DOCK8: variants seen among roughly 807,000 people sequenced by gnomAD.
DOCK8 encodes the protein dedicator of cytokinesis protein 8.
Under a neutral mutation model 245.6 loss-of-function variants are expected in DOCK8, and 141 were observed. That is an observed-to-expected ratio of 0.57 (90% CI 0.50 to 0.66). DOCK8 has a LOEUF of 0.66. Among genes scored for constraint, DOCK8 ranks in the 30% least tolerant of loss-of-function variants. The pLI is 0.00. For synonymous variants in DOCK8, 1,168 were observed against 970.2 expected (o/e 1.20, Z -3.79); for missense variants, 2,965 against 2,603.4 (o/e 1.14, Z -3.02).
At chr9:276,263 G>T (rs1262770341) in intron 2 of DOCK8, among the ~76,000 whole-genome samples, 2 of 152,144 alleles carry the variant, frequency 1.3e-5, no homozygotes, top group Non-Finnish European at 2.9e-5. Flanking sequence ...CACTTATTTT[G>T]CCCTGTGTGC....
In DOCK8 at chr9:396,802, G is replaced by A. The variant is rs752239200; in HGVS notation, c.2988G>A (p.Gln996=). 2.5e-6 allele frequency: 4 copies of A among 1,614,060 alleles called. No homozygotes were observed. The highest frequency in any genetic ancestry group is 3.4e-6 in the Non-Finnish European group (4 of 1,180,018). Residue 996 remains glutamine (Q), a synonymous_variant, in exon 25 of 48, where the codon CAG becomes CAA. Coordinates refer to ENST00000432829, the MANE Select transcript of DOCK8 (RefSeq NM_203447.4). ...FFELLVKSMA[Q]HVHNMDKRDS... ...CTCCGCAGGTGAAAAGCATGGCCCA[G>A]CACGTACATAACATGGACAAACGGG...
chr9:285,280 G>C (rs2048771308), intron 2 of DOCK8, among the ~76,000 whole-genome samples: 1 of 152,104 alleles, frequency 6.6e-6, no homozygotes, highest in African/African-American at 2.4e-5. Flanking sequence ...ACAGCGCTTT[G>C]TCTCTCCTCT....
intron 5 of DOCK8, among the ~76,000 whole-genome samples, chr9:305,392 G>C (rs113422864): frequency 0.082 from 12,235 of 149,694 alleles, 793 homozygotes; most frequent in African/African-American, 0.17. Flanking sequence ...ACGCCATTCT[G>C]CTGCCTCAGC....
chr9:379,861 G>A lies in DOCK8; in HGVS notation c.2531G>A (p.Arg844Lys). 1 of 1,614,234 alleles carries A rather than the reference G, an allele frequency of 6.2e-7. No homozygotes were observed. Among genetic ancestry groups the A allele is most frequent in the Non-Finnish European group, 8.5e-7 (1 of 1,180,036 alleles). Residue 844 changes from arginine (R) to lysine (K), a missense_variant, in exon 21 of 48, where the codon AGG becomes AAG. This residue lies in a region of DOCK8 where 2,825 missense variants were observed against 2,453.5 expected (regional missense o/e 1.15). Transcript: ENST00000432829. ...SKDLSKDQHG[R>K]NCLLASYVHY... ...GACCTGAGCAAGGACCAGCATGGGA[G>A]GAACTGCCTGCTGGCTTCCTACGTG...
At chr9:332,648 CTTTTTTTTTTTTTTTTTT>C (rs35539095) in intron 10 of DOCK8, among the ~76,000 whole-genome samples, 170 bp downstream of exon 10, 17 of 63,964 alleles carry the variant, frequency 2.7e-4, no homozygotes, top group African/African-American at 1.1e-3. Context: ...CCGATGATGA[CTTTTTTTTTTTTTTTTTT>C]TTTTTTTTTG....
intron 6 of DOCK8, chr9:314,336 G>A (rs1457672204): frequency 6.6e-6 from 1 of 152,218 alleles, no homozygotes; most frequent in Non-Finnish European, 1.5e-5. Flanking sequence ...ACCCAAAGTG[G>A]ATGCCAGAAG....
At chr9:438,830 G>A (rs1209644921) in intron 39 of DOCK8, among the ~76,000 whole-genome samples, 1 of 152,176 alleles carries the variant, frequency 6.6e-6, no homozygotes, top group Non-Finnish European at 1.5e-5. Flanking sequence ...CTCCAGAGTA[G>A]CAACATACTT....
rs867722289 is a variant in DOCK8 at position 403,405 on chromosome 9, A to G, written c.3235-1513A>G. On this transcript the variant is annotated intron_variant, in intron 26 of 47. Coordinates refer to ENST00000432829, the MANE Select transcript of DOCK8 (RefSeq NM_203447.4). ...GGTCCAAAGTCAGCCAGGAGTGCAC[A>G]TCGAAAGGTTATGGGATCTGGTAAC... 2.0e-5 allele frequency among the ~76,000 whole-genome samples: 3 copies of G among 152,202 alleles called. No individual in the cohort carries two copies. In the South Asian group the frequency reaches 6.2e-4, roughly 32 times the overall value.
intron 1 of DOCK8, among the ~76,000 whole-genome samples, chr9:265,152 G>T (rs1222565124): frequency 6.6e-6 from 1 of 152,094 alleles, no homozygotes; most frequent in Non-Finnish European, 1.5e-5. Flanking sequence ...GGCTGGTCTT[G>T]AACTCCTGAC....
chr9:331,972 A>G (rs985576137), intron 9 of DOCK8, among the ~76,000 whole-genome samples: 1 of 152,252 alleles, frequency 6.6e-6, no homozygotes, highest in Admixed American at 6.5e-5. Flanking sequence ...TTACATTGTA[A>G]GCAATAATAA....
intron 34 of DOCK8, 61 bp downstream of exon 34, chr9:427,042 ACTT>A (rs1174993662): frequency 4.4e-5 from 62 of 1,420,746 alleles, no homozygotes; most frequent in Non-Finnish European, 5.7e-5. Flanking sequence ...TAGAATAAGG[ACTT>A]CTTTATGCAA....
intron 26 of DOCK8, among the ~76,000 whole-genome samples, chr9:401,545 A>G (rs893168953): frequency 2.6e-5 from 4 of 152,196 alleles, no homozygotes; most frequent in Admixed American, 6.5e-5. Flanking sequence ...ACAGCTGTCC[A>G]TCGAGATTTT....
At chr9:309,747 G>A (rs1183257853) in intron 5 of DOCK8, among the ~76,000 whole-genome samples, 1 of 152,068 alleles carries the variant, frequency 6.6e-6, no homozygotes, top group South Asian at 2.1e-4. Flanking sequence ...CTCCCACATC[G>A]ACCTTTGGAA....
intron 46 of DOCK8, among the ~76,000 whole-genome samples, chr9:459,021 A>G (rs1354496371): frequency 6.6e-6 from 1 of 152,230 alleles, no homozygotes; most frequent in Non-Finnish European, 1.5e-5. Flanking sequence ...AACCCCAGGC[A>G]TATTTGTTCT....
At position 425,314 on chromosome 9, in the gene DOCK8, C is replaced by T. The variant is rs559579289; in HGVS notation, c.4242-1571C>T. Among the ~76,000 whole-genome samples, 56 of 152,144 alleles carry T rather than the reference C, an allele frequency of 3.7e-4. 1 individual carries two copies. The highest frequency in any genetic ancestry group is 3.3e-3 in the East Asian group (17 of 5,178). On this transcript the variant is annotated intron_variant, in intron 33 of 47. Transcript: ENST00000432829. ...TTGGGAGGCCGAGGTAAGTGGATCA[C>T]GAGGTCAGGAGATCGAGACCATCCT...
At chr9:357,619 C>G (rs917549031) in intron 14 of DOCK8, among the ~76,000 whole-genome samples, 6 of 151,478 alleles carry the variant, frequency 4.0e-5, no homozygotes, top group African/African-American at 1.5e-4. Flanking sequence ...ACTGCATTTG[C>G]TGTTTGTGAG....
chr9:344,126 CGTTAGAAATGCCAAGGCCACCCT>C (rs1270678120), intron 14 of DOCK8, among the ~76,000 whole-genome samples: 4 of 152,016 alleles, frequency 2.6e-5, no homozygotes, highest in Admixed American at 2.0e-4. Context: ...AAGGACACCC[CGTTAGAAATGCCAAGGCCACCCT>C]GTTAGAAACC....
intron 6 of DOCK8, among the ~76,000 whole-genome samples, chr9:316,736 G>T (rs1367526143): frequency 6.6e-6 from 1 of 152,174 alleles, no homozygotes; most frequent in African/African-American, 2.4e-5. Flanking sequence ...ATAGGTATAA[G>T]ATTTTGCAAT....
chr9:217,227 A>G (rs747416360), intron 1 of DOCK8, among the ~76,000 whole-genome samples: 9 of 152,196 alleles, frequency 5.9e-5, no homozygotes, highest in Admixed American at 2.0e-4. Context: ...AGTTGCCATC[A>G]TTAACATTAC....
Sources: allele counts gnomAD v4.1 joint callset (sites outside exome capture counted in the v4.1 genomes callset), GRCh38; gene constraint gnomAD v4.1.1; regional missense constraint gnomAD v4.1.1; transcripts MANE v1.5; gene names NCBI Gene and HGNC (gene_info 2026-07-23, HGNC 2026-07-21).